DAB2: variants seen among roughly 807,000 people sequenced by gnomAD.
The protein encoded by DAB2 is disabled homolog 2.
In DAB2, 28 loss-of-function variants were observed where a neutral mutation model predicts 71.6. The ratio of observed to expected loss-of-function variants is 0.39; its 90% CI spans 0.29 to 0.54. DAB2 has a LOEUF of 0.54. Among genes scored for constraint, DAB2 ranks in the 20% least tolerant of loss-of-function variants. The pLI is 0.68. For synonymous variants in DAB2, 345 were observed against 339.7 expected, an observed-to-expected ratio of 1.02 and a Z score of -0.17; for missense variants, 867 against 928.8, an observed-to-expected ratio of 0.93 and a Z score of 0.86.
intron 1 of DAB2, among the ~76,000 whole-genome samples, chr5:39,413,278 A>T (rs568267969): frequency 6.6e-6 from 1 of 152,296 alleles, no homozygotes; most frequent in South Asian, 2.1e-4. Context: ...AGGACTAACA[A>T]TCTCAAACAT....
chr5:39,419,570 G>A (rs950095110), intron 1 of DAB2, among the ~76,000 whole-genome samples: 3 of 152,192 alleles, frequency 2.0e-5, no homozygotes, highest in Non-Finnish European at 4.4e-5. Context: ...ACTCATTTAT[G>A]GAGAGGACTT....
chr5:39,377,555 A>G (rs991506352), intron 11 of DAB2, among the ~76,000 whole-genome samples: 4 of 152,232 alleles, frequency 2.6e-5, no homozygotes, highest in African/African-American at 7.2e-5. Context: ...AGTACGGTCC[A>G]TAAGTATCTA....
Position 39,392,412 on chromosome 5 carries a change from C to A in DAB2, c.283G>T (p.Val95Phe). The A allele has an allele frequency of 6.2e-7, 1 of 1,614,094 alleles. No homozygotes were observed. The highest frequency in any genetic ancestry group is 8.5e-7 in the Non-Finnish European group (1 of 1,179,972). ...SQGQHKQRIW[V>F]NISLSGIKII... Reference sequence around the variant, plus strand: ...TTTATCCCAGAAAGGGAAATGTTGACCCAGATCCTTTGTTTGTGTTGTCCC... The same window carrying A: ...TTTATCCCAGAAAGGGAAATGTTGAACCAGATCCTTTGTTTGTGTTGTCCC... Residue 95 changes from valine (V) to phenylalanine (F), a missense_variant, in exon 4 of 15, where the codon GTC (valine) becomes TTC (phenylalanine). Around this residue, in one of 2 missense-constraint regions of DAB2, gnomAD observed 127 missense variants for 194.4 expected, o/e 0.65. Coordinates refer to ENST00000320816, the MANE Select transcript of DAB2 (RefSeq NM_001343.4).
chr5:39,395,804 T>TACACAAAC (rs1755350247), intron 1 of DAB2, among the ~76,000 whole-genome samples: 2 of 152,186 alleles, frequency 1.3e-5, no homozygotes, highest in Non-Finnish European at 2.9e-5. Flanking sequence ...AAGCCATTCT[T>TACACAAAC]AACTCAGGAC....
Position 39,376,742 on chromosome 5 carries a change from A to C in DAB2, c.2045T>G (p.Phe682Cys). ...AACCTTGCTGTTGAAATAACTGGCA[A>C]AGGCACTCAAAGTCCCAGAAGAAGT... ...EQTSSGTLSA[F>C]ASYFNSKVGI... The change falls in exon 12 of 15, where the codon TTT becomes TGT. Residue 682 changes from phenylalanine (F) to cysteine (C), a missense_variant. By Grantham distance (205) the Phe-to-Cys change is radical (BLOSUM62 -2). This residue lies in a region of DAB2 where 740 missense variants were observed against 734.3 expected (regional missense o/e 1.01). Coordinates refer to ENST00000320816, the MANE Select transcript of DAB2 (RefSeq NM_001343.4). The C allele has an allele frequency of 6.2e-7, 1 of 1,614,150 alleles. No homozygotes were observed.
At position 39,422,772 on chromosome 5, in the gene DAB2, G is replaced by A. The variant is rs946748354; in HGVS notation, c.-102+2032C>T. On this transcript the variant is annotated intron_variant, in intron 1 of 14. Transcript: ENST00000320816. This position sits in a 1 kb window ranked among gnomAD's most constrained non-coding sequence, Gnocchi z 4.1. ...CATGCCAACAAGTGCCTTAAAAGCC[G>A]TACCCTTCAACCCAAACAAGGCCAG... Among the ~76,000 whole-genome samples, 5 of 152,106 alleles carry A rather than the reference G, an allele frequency of 3.3e-5. No individual in the cohort carries two copies. Among genetic ancestry groups the A allele is most frequent in the African/African-American group, 9.7e-5 (4 of 41,406 alleles).
At chr5:39,406,590 A>T (rs577509975) in intron 1 of DAB2, among the ~76,000 whole-genome samples, 33 of 152,352 alleles carry the variant, frequency 2.2e-4, no homozygotes, top group South Asian at 8.3e-4. Flanking sequence ...CTAGTTTTGA[A>T]GTGATATTAA....
intron 1 of DAB2, among the ~76,000 whole-genome samples, chr5:39,415,762 TG>T (rs1207114538): frequency 6.6e-6 from 1 of 152,150 alleles, no homozygotes; most frequent in East Asian, 1.9e-4. Context: ...GTTGGCCGCA[TG>T]AAGTGTAAGA....
At position 39,389,451 on chromosome 5, in the gene DAB2, A is replaced by G. The variant is rs10068380; in HGVS notation, c.544-328T>C. 5.0e-3 allele frequency among the ~76,000 whole-genome samples: 769 copies of G among 152,296 alleles called. 6 individuals carry two copies. Among genetic ancestry groups the G allele is most frequent in the African/African-American group, 0.017 (718 of 41,554 alleles). On this transcript the variant is annotated intron_variant, in intron 6 of 14. Coordinates refer to ENST00000320816, the MANE Select transcript of DAB2 (RefSeq NM_001343.4). ...TGGGAAGAATAGACAATACATATAG[A>G]AGCCAAATTTTCAGATAGACCATAT...
intron 10 of DAB2, 32 bp from the exon 11 acceptor site, chr5:39,381,648 A>T (rs1294158284): frequency 6.2e-6 from 10 of 1,611,964 alleles, no homozygotes; most frequent in Non-Finnish European, 8.5e-6. Flanking sequence ...GAGAAGCCTT[A>T]GTTACTCACT....
chr5:39,394,199 C>G (rs1195180730), intron 2 of DAB2, 31 bp downstream of exon 2: 1 of 1,568,076 alleles, frequency 6.4e-7, no homozygotes, highest in Non-Finnish European at 8.8e-7. Context: ...CTCTAGCTCC[C>G]TTCCTTGGCT....
At position 39,381,899 on chromosome 5, in the gene DAB2, T is replaced by C. The variant is rs374564063; in HGVS notation, c.1342-283A>G. 2.0e-5 allele frequency among the ~76,000 whole-genome samples: 3 copies of C among 152,330 alleles called. No homozygotes were observed. In the South Asian group the frequency reaches 6.2e-4, roughly 32 times the overall value. ...TTTACACACTCACATTGGTCTGGTCTCATCGCTAAATGCTTGAAGTTGGGG... is the reference window on the plus strand; with the variant it reads ...TTTACACACTCACATTGGTCTGGTCCCATCGCTAAATGCTTGAAGTTGGGG... On this transcript the variant is annotated intron_variant, in intron 10 of 14. Transcript: ENST00000320816.
At chr5:39,409,609 T>G (rs977482390) in intron 1 of DAB2, among the ~76,000 whole-genome samples, 16 of 152,208 alleles carry the variant, frequency 1.1e-4, no homozygotes, top group Admixed American at 6.5e-5. Context: ...GTTAGTATCA[T>G]GTAAGTAATC....
chr5:39,396,425 C>A (rs1212118598), intron 1 of DAB2, among the ~76,000 whole-genome samples: 1 of 152,212 alleles, frequency 6.6e-6, no homozygotes, highest in Non-Finnish European at 1.5e-5. Context: ...TGCCCACACA[C>A]TGGACTATAA....
chr5:39,393,459 C>G, intron 2 of DAB2, 66 bp from the exon 3 acceptor site: 1 of 1,518,772 alleles, frequency 6.6e-7, no homozygotes, highest in Non-Finnish European at 9.0e-7. Flanking sequence ...ATGCTCTAGA[C>G]TCTCCAAAAT....
intron 9 of DAB2, among the ~76,000 whole-genome samples, chr5:39,386,891 C>CCTCA (rs1451796127): frequency 6.6e-6 from 1 of 152,086 alleles, no homozygotes; most frequent in Non-Finnish European, 1.5e-5. Context: ...ATCAAAAGGA[C>CCTCA]CTCAGAGTTA....
Position 39,395,937 on chromosome 5 carries a change from C to CTTTTTTTTTTT in DAB2, c.-101-1527_-101-1517dup, listed in dbSNP as rs3024228. ...GAGGGAAGGCTAAGACACAGATATT[C>CTTTTTTTTTTT]TTTTTTTTTTTTTTTTTTTTTTTGA... On this transcript the variant is annotated intron_variant, in intron 1 of 14. Coordinates refer to ENST00000320816, the MANE Select transcript of DAB2 (RefSeq NM_001343.4). Among the ~76,000 whole-genome samples the CTTTTTTTTTTT allele has an allele frequency of 7.6e-3, 572 of 74,842 alleles. 132 individuals carry two copies. The highest frequency in any genetic ancestry group is 0.016 in the African/African-American group (279 of 17,986). The allele number at this position is 74,842 out of a possible 152,430, so 49.1% of individuals were successfully genotyped here. A position where few individuals can be genotyped will look rare whatever the true frequency, so the allele number is the denominator to read the frequency against.
chr5:39,390,384 A>G, intron 5 of DAB2, 60 bp downstream of exon 5: 1 of 1,549,570 alleles, frequency 6.5e-7, no homozygotes, highest in Non-Finnish European at 8.7e-7. Flanking sequence ...GTTGAGTGAC[A>G]GACACTCCAA....
chr5:39,409,610 G>T (rs928348147), intron 1 of DAB2, among the ~76,000 whole-genome samples: 2 of 152,170 alleles, frequency 1.3e-5, no homozygotes, highest in Non-Finnish European at 2.9e-5. Context: ...TTAGTATCAT[G>T]TAAGTAATCA....
Sources: allele counts gnomAD v4.1 joint callset (sites outside exome capture counted in the v4.1 genomes callset), GRCh38; gene constraint gnomAD v4.1.1; regional missense constraint gnomAD v4.1.1; non-coding constraint Gnocchi (gnomAD v3.1); transcripts MANE v1.5; gene names NCBI Gene and HGNC (gene_info 2026-07-23, HGNC 2026-07-21).